The following CERT1 variants were observed in gnomAD, a reference collection of about 807,000 sequenced individuals.
The protein encoded by CERT1 is ceramide transfer protein.
Under a neutral mutation model 87.9 loss-of-function variants are expected in CERT1, and 31 were observed. The ratio of observed to expected loss-of-function variants is 0.35; its 90% CI spans 0.27 to 0.48. The LOEUF is 0.48. CERT1 is among the 20% of genes least tolerant of loss of function. CERT1 has a pLI of 0.99. For synonymous variants in CERT1, 289 were observed against 250.9 expected, an observed-to-expected ratio of 1.15 and a Z score of -1.44; for missense variants, 487 against 758.0, an observed-to-expected ratio of 0.64 and a Z score of 4.20.
upstream of CERT1, chr5:75,511,815 G>A (rs1330698544): frequency 1.9e-5 from 29 of 1,551,340 alleles, no homozygotes; most frequent in Admixed American, 1.8e-4. Flanking sequence ...AGAAAGGAGA[G>A]GGCGGGGTAG....
chr5:75,384,769 T>A (rs1199153189), intron 13 of CERT1, 57 bp from the exon 14 acceptor site: 1 of 1,144,826 alleles, frequency 8.7e-7, no homozygotes, highest in South Asian at 1.3e-5. Context: ...TGTGATCAAT[T>A]CACTTATGTT....
chr5:75,443,929 T>A (rs1038601835), intron 3 of CERT1, among the ~76,000 whole-genome samples: 5 of 152,190 alleles, frequency 3.3e-5, no homozygotes. Context: ...TAACTTAAAG[T>A]CTATTTTCTC....
At chr5:75,509,958 A>G (rs1422599476) in intron 1 of CERT1, among the ~76,000 whole-genome samples, 6 of 152,210 alleles carry the variant, frequency 3.9e-5, no homozygotes, top group Admixed American at 3.9e-4. Flanking sequence ...TGCTATACAA[A>G]TAAAAGTCAA....
At chr5:75,490,824 G>C (rs2112426291) in intron 2 of CERT1, among the ~76,000 whole-genome samples, 1 of 152,146 alleles carries the variant, frequency 6.6e-6, no homozygotes, top group Middle Eastern at 3.4e-3. Context: ...TCTATTTTCA[G>C]TATCTGGTAA....
At chr5:75,496,985 A>T (rs563043649) in intron 2 of CERT1, among the ~76,000 whole-genome samples, 8 of 152,222 alleles carry the variant, frequency 5.3e-5, no homozygotes, top group African/African-American at 9.6e-5. Context: ...TCTTTTTTTT[A>T]AAAAAAGACA....
At chr5:75,498,987 C>T (rs1767211949) in intron 2 of CERT1, among the ~76,000 whole-genome samples, 1 of 152,200 alleles carries the variant, frequency 6.6e-6, no homozygotes, top group Non-Finnish European at 1.5e-5. Flanking sequence ...GGTGGGAGCC[C>T]ACCTCTTGCA....
intron 2 of CERT1, among the ~76,000 whole-genome samples, chr5:75,494,268 C>T (rs1404145042): frequency 6.6e-6 from 1 of 152,082 alleles, no homozygotes; most frequent in Non-Finnish European, 1.5e-5. Flanking sequence ...GCTAGGGAAG[C>T]TATATTGTTA....
intron 2 of CERT1, among the ~76,000 whole-genome samples, chr5:75,476,427 C>T (rs181259247): frequency 4.8e-4 from 73 of 152,170 alleles, no homozygotes; most frequent in Non-Finnish European, 7.8e-4. Context: ...TGTTCAAAGT[C>T]CTTCAGTGCT....
chr5:75,428,265 A>G (rs1179374634), intron 3 of CERT1, among the ~76,000 whole-genome samples: 2 of 152,164 alleles, frequency 1.3e-5, no homozygotes, highest in Non-Finnish European at 2.9e-5. Flanking sequence ...CTTAACTTTA[A>G]TATTCTAGGA....
chr5:75,399,531 T>G, intron 10 of CERT1, 144 bp from the exon 11 acceptor site: 1 of 660,720 alleles, frequency 1.5e-6, no homozygotes, highest in East Asian at 2.8e-5. Flanking sequence ...GCTGACTTCA[T>G]GCACCTATTA....
chr5:75,377,726 A>G (rs1359659701), downstream of CERT1: 1 of 152,230 alleles, frequency 6.6e-6, no homozygotes, highest in East Asian at 1.9e-4. Context: ...TAGTAATAGC[A>G]TATGTTAATA....
At position 75,511,391 on chromosome 5, in the gene CERT1, G is replaced by T. The variant is rs1407668129; in HGVS notation, c.-184C>A. The T allele has an allele frequency of 8.4e-6, 13 of 1,546,390 alleles. No homozygotes were observed. In the East Asian group the frequency reaches 2.2e-4, roughly 26 times the overall value. On this transcript the variant is annotated 5_prime_UTR_variant, in exon 1 of 17. Coordinates refer to ENST00000643780, the MANE Select transcript of CERT1 (RefSeq NM_001379029.1). ...GCCGCCGCCGCGCCTGACACCGAGCGGAGCGAGGAAGGAGGACGAGCGGTG... is the reference window on the plus strand; with the variant it reads ...GCCGCCGCCGCGCCTGACACCGAGCTGAGCGAGGAAGGAGGACGAGCGGTG...
At chr5:75,511,801 G>A (rs547328339), upstream of CERT1, 2 of 1,551,562 alleles carry the variant, frequency 1.3e-6, no homozygotes, top group African/African-American at 1.4e-5. Context: ...AGCAGGAGGA[G>A]CGGAGAAAGG....
intron 3 of CERT1, among the ~76,000 whole-genome samples, chr5:75,437,569 C>T (rs1246356124): frequency 6.6e-6 from 1 of 151,844 alleles, no homozygotes; most frequent in African/African-American, 2.4e-5. Context: ...AGTTTGAGAC[C>T]AGCCTGGCCA....
At chr5:75,426,994 T>C (rs1220712411) in intron 3 of CERT1, among the ~76,000 whole-genome samples, 2 of 152,164 alleles carry the variant, frequency 1.3e-5, no homozygotes, top group Non-Finnish European at 2.9e-5. Flanking sequence ...TTCACAATAG[T>C]TTGTGTTTTG....
At chr5:75,504,751 CTTT>C (rs558482615) in intron 2 of CERT1, among the ~76,000 whole-genome samples, 14 of 131,554 alleles carry the variant, frequency 1.1e-4, no homozygotes, top group Non-Finnish European at 1.5e-4. Flanking sequence ...TTAGCCAACA[CTTT>C]TTTTTTTTTT....
intron 12 of CERT1, among the ~76,000 whole-genome samples, chr5:75,387,558 A>G (rs1761847892): frequency 6.6e-6 from 1 of 151,948 alleles, no homozygotes; most frequent in Non-Finnish European, 1.5e-5. Flanking sequence ...CCTAGCCAAC[A>G]AGGTGAAACC....
chr5:75,484,532 A>G (rs1766416092), intron 2 of CERT1, among the ~76,000 whole-genome samples: 1 of 151,932 alleles, frequency 6.6e-6, no homozygotes, highest in African/African-American at 2.4e-5. Context: ...AAAGACACAG[A>G]CTGAAAATAA....
intron 3 of CERT1, among the ~76,000 whole-genome samples, chr5:75,433,551 C>T (rs1763960606): frequency 1.3e-5 from 2 of 152,092 alleles, no homozygotes; most frequent in Admixed American, 1.3e-4. Flanking sequence ...GATAGGGTCT[C>T]GTGCTGTCAC....
Sources: allele counts gnomAD v4.1 joint callset (sites outside exome capture counted in the v4.1 genomes callset), GRCh38; gene constraint gnomAD v4.1.1; transcripts MANE v1.5; gene names NCBI Gene and HGNC (gene_info 2026-07-23, HGNC 2026-07-21).